Variants in ZSWIM2 observed in about 807,000 individuals in gnomAD.
ZSWIM2 encodes zinc finger SWIM-type containing 2, also known as E3 ubiquitin-protein ligase ZSWIM2.
In ZSWIM2, 38 loss-of-function variants were observed where a neutral mutation model predicts 48.4. The ratio of observed to expected loss-of-function variants is 0.79; its 90% CI spans 0.61 to 1.03. The LOEUF is 1.03. ZSWIM2 is among the 50% of genes least tolerant of loss of function. ZSWIM2 has a pLI of 0.00. For missense variants in ZSWIM2, 776 were observed against 730.2 expected (o/e 1.06, Z -0.72); for synonymous variants, 240 against 251.3 (o/e 0.96, Z 0.42).
chr2:186,848,068 G>T (rs1408953795), intron 1 of ZSWIM2, among the ~76,000 whole-genome samples: 1 of 151,778 alleles, frequency 6.6e-6, no homozygotes, highest in Non-Finnish European at 1.5e-5. Flanking sequence ...AAGAAAAAAA[G>T]CAAATATCAA....
At chr2:186,838,608 G>T (rs1257713694) in intron 4 of ZSWIM2, among the ~76,000 whole-genome samples, 1 of 148,524 alleles carries the variant, frequency 6.7e-6, no homozygotes, top group Admixed American at 6.8e-5. Flanking sequence ...TTGTAGTGTA[G>T]CTCAGAAAGA....
In ZSWIM2 at chr2:186,839,097, G is replaced by C; in HGVS notation, c.356C>G (p.Pro119Arg). ...LLRGIHRVQT[P>R]QPGTNDENEH... is the part of the protein sequence containing the mutation. Reference sequence around the variant, plus strand: ...ATTTTCGTCATTTGTTCCTGGTTGGGGAGTTTGAACTCGATGTATCCCCCG... The same window carrying C: ...ATTTTCGTCATTTGTTCCTGGTTGGCGAGTTTGAACTCGATGTATCCCCCG... The change falls in exon 4 of 9, where the codon CCC becomes CGC. Residue 119 changes from proline (P) to arginine (R), a missense_variant. Transcript: ENST00000295131. The C allele has an allele frequency of 6.2e-7, 1 of 1,611,684 alleles. No individual in the cohort carries two copies. Among genetic ancestry groups the C allele is most frequent in the Middle Eastern group, 1.7e-4 (1 of 6,058 alleles).
intron 3 of ZSWIM2, among the ~76,000 whole-genome samples, chr2:186,839,438 A>C (rs895629169): frequency 6.6e-6 from 1 of 151,778 alleles, no homozygotes; most frequent in Non-Finnish European, 1.5e-5. Flanking sequence ...GATAGTGTTC[A>C]TCCTTGGATT....
Position 186,827,946 on chromosome 2 carries a change from AT to A in ZSWIM2, c.*37del. ...TATGTTCTATATAAAACATTTTTTT[AT>A]ATTCAACATTCAAATATTTTCAGAT... On this transcript the variant is annotated 3_prime_UTR_variant, in exon 9 of 9. Transcript: ENST00000295131. 1 of 1,443,252 alleles carries A rather than the reference AT, an allele frequency of 6.9e-7. No homozygotes were observed. The highest frequency in any genetic ancestry group is 1.4e-5 in the African/African-American group (1 of 69,592). 89.4% of individuals were successfully genotyped at this position (1,443,252 alleles called of 1,614,324 possible).
intron 5 of ZSWIM2, 68 bp downstream of exon 5, chr2:186,837,238 T>C (rs1691809037): frequency 6.4e-7 from 1 of 1,556,500 alleles, no homozygotes; most frequent in African/African-American, 1.4e-5. Context: ...GGTACTCTAA[T>C]GCTCAAAGTT....
chr2:186,847,172 T>G (rs79407439), intron 2 of ZSWIM2, among the ~76,000 whole-genome samples: 1 of 151,966 alleles, frequency 6.6e-6, no homozygotes, highest in African/African-American at 2.4e-5. Flanking sequence ...AAAAAATAAA[T>G]AACCTGAACT....
intron 3 of ZSWIM2, 72 bp from the exon 4 acceptor site, chr2:186,839,241 G>A: frequency 2.2e-6 from 3 of 1,351,490 alleles, no homozygotes; most frequent in Non-Finnish European, 3.1e-6. Context: ...AACTTATGCT[G>A]AAAGTTAGAA....
intron 1 of ZSWIM2, chr2:186,848,549 G>A (rs958648494): frequency 6.3e-6 from 1 of 159,440 alleles, no homozygotes; most frequent in Non-Finnish European, 1.4e-5. Flanking sequence ...AGAGTAAAGG[G>A]AAACCTATTT....
chr2:186,847,242 A>G (rs1692021040), intron 2 of ZSWIM2, among the ~76,000 whole-genome samples: 1 of 152,110 alleles, frequency 6.6e-6, no homozygotes, highest in African/African-American at 2.4e-5. Context: ...CTGAAAAGGA[A>G]AATATTTTGA....
At position 186,837,364 on chromosome 2, in the gene ZSWIM2, G is replaced by A. The variant is rs781759636; in HGVS notation, c.685C>T (p.His229Tyr). ...CAGTTATTACAGGGAATCCCAAGGT[G>A]TTTGTCCAGTCTCTCTTTTTCTGCT... ...AAAEKERLDK[H>Y]LGIPCNNCKQ... Residue 229 changes from histidine to tyrosine, a missense_variant, in exon 5 of 9, where the codon CAC becomes TAC. Coordinates refer to ENST00000295131, the MANE Select transcript of ZSWIM2 (RefSeq NM_182521.3). 1 of 1,613,002 alleles carries A rather than the reference G, an allele frequency of 6.2e-7. No individual in the cohort carries two copies. Among genetic ancestry groups the A allele is most frequent in the South Asian group, 1.1e-5 (1 of 91,064 alleles).
chr2:186,841,814 T>C (rs1380902370), intron 3 of ZSWIM2, among the ~76,000 whole-genome samples: 1 of 151,182 alleles, frequency 6.6e-6, no homozygotes, highest in Non-Finnish European at 1.5e-5. Flanking sequence ...AAAGGGAAAA[T>C]AGAAAATAAA....
chr2:186,844,586 TGATA>T, intron 3 of ZSWIM2, 127 bp downstream of exon 3: 1 of 856,404 alleles, frequency 1.2e-6, no homozygotes, highest in Non-Finnish European at 1.7e-6. Context: ...GCTGAGCTAC[TGATA>T]GTTACGATTC....
intron 4 of ZSWIM2, among the ~76,000 whole-genome samples, chr2:186,838,116 G>T (rs1559114026): frequency 1.3e-5 from 2 of 151,208 alleles, no homozygotes; most frequent in African/African-American, 4.8e-5. Flanking sequence ...ATGATCAGGA[G>T]AAAAAAATTG....
rs747258309 is a variant in ZSWIM2 at position 186,829,768 on chromosome 2, G to T, written c.1054C>A (p.His352Asn). Residue 352 changes from histidine (H) to asparagine (N), a missense_variant, in exon 8 of 9, where the codon CAT (histidine) becomes AAT (asparagine). His to Asn is a moderately conservative substitution (Grantham distance 68). Coordinates refer to ENST00000295131, the MANE Select transcript of ZSWIM2 (RefSeq NM_182521.3). ...AGCAATCTTGTATGTTGACCAAGAT[G>T]AAATGCCTTCAAACAAAGTAGACAC... Reference protein sequence around the residue: ...YQCLLCLKAFHLGQHTRLLPC... With the variant: ...YQCLLCLKAFNLGQHTRLLPC... 1.2e-6 allele frequency: 2 copies of T among 1,613,586 alleles called. No homozygotes were observed. Among genetic ancestry groups the T allele is most frequent in the African/African-American group, 1.3e-5 (1 of 75,014 alleles).
chr2:186,849,136 G>C lies in ZSWIM2; in HGVS notation c.-6C>G. On this transcript the variant is annotated 5_prime_UTR_variant, in exon 1 of 9. Coordinates refer to ENST00000295131, the MANE Select transcript of ZSWIM2 (RefSeq NM_182521.3). Reference sequence around the variant, plus strand: ...TTATAGCCTCGGCGAAGCATGCTGGGTGCGGGCGGAGGCGGCCCCTCTGCT... The same window carrying C: ...TTATAGCCTCGGCGAAGCATGCTGGCTGCGGGCGGAGGCGGCCCCTCTGCT... 3 of 1,605,434 alleles carry C rather than the reference G, an allele frequency of 1.9e-6. No individual in the cohort carries two copies. The highest frequency in any genetic ancestry group is 1.7e-6 in the Non-Finnish European group (2 of 1,174,230).
chr2:186,827,905 G>GA lies in ZSWIM2; in HGVS notation c.*78dup. 1 of 1,208,198 alleles carries GA rather than the reference G, an allele frequency of 8.3e-7. No homozygotes were observed. The highest frequency in any genetic ancestry group is 1.1e-6 in the Non-Finnish European group (1 of 893,438). The allele number at this position is 1,208,198 out of a possible 1,614,324, so 74.8% of individuals were successfully genotyped here. A position where few individuals can be genotyped will look rare whatever the true frequency, so the allele number is the denominator to read the frequency against. ...AGAGAATTTTATATACATTTGTCAA[G>GA]ACTATGTGTGCTTTTTATGTTCTAT... On this transcript the variant is annotated 3_prime_UTR_variant, in exon 9 of 9. Transcript: ENST00000295131.
At chr2:186,844,790 A>G (rs1197539629) in intron 2 of ZSWIM2, 33 bp from the exon 3 acceptor site, 34 of 1,525,608 alleles carry the variant, frequency 2.2e-5, no homozygotes, top group Non-Finnish European at 3.0e-5. Flanking sequence ...AAATCAAGAC[A>G]TTTATTTTTG....
Position 186,838,975 on chromosome 2 carries a change from G to T in ZSWIM2, c.478C>A (p.Pro160Thr). 1.2e-6 allele frequency: 2 copies of T among 1,607,668 alleles called. No homozygotes were observed. The highest frequency in any genetic ancestry group is 1.7e-6 in the Non-Finnish European group (2 of 1,176,296). ...GTACATCACCTGCAAAAGGTGACAG[G>T]AAGCTTTTTCTCTAAAAGTAGCTCT... ...CQELLLEKKL[P>T]VTFCRFGCGN... is the part of the protein sequence containing the mutation. The change falls in exon 4 of 9, where the codon CCT becomes ACT. Residue 160 changes from proline to threonine, a missense_variant. Coordinates refer to ENST00000295131, the MANE Select transcript of ZSWIM2 (RefSeq NM_182521.3).
Position 186,833,077 on chromosome 2 carries a change from G to C in ZSWIM2, c.941+43C>G, listed in dbSNP as rs190327335. 7,162 of 856,998 alleles carry C rather than the reference G, an allele frequency of 8.4e-3. 47 individuals carry two copies. The highest frequency in any genetic ancestry group is 9.9e-3 in the Non-Finnish European group (5,634 of 570,474). The allele number at this position is 856,998 out of a possible 1,614,324, so 53.1% of individuals were successfully genotyped here. A position where few individuals can be genotyped will look rare whatever the true frequency, so the allele number is the denominator to read the frequency against. ...TATTCAAATTGAGAAGTTATTCAAAGATTCTGTCATACAACAAATATAAAA... is the reference window on the plus strand; with the variant it reads ...TATTCAAATTGAGAAGTTATTCAAACATTCTGTCATACAACAAATATAAAA... On this transcript the variant is annotated intron_variant, in intron 7 of 8. Transcript: ENST00000295131.
Sources: gnomAD v4.1 joint callset for allele counts (sites outside exome capture counted in the v4.1 genomes callset) on GRCh38, gnomAD v4.1.1 for gene constraint, MANE v1.5 for transcripts, NCBI Gene and HGNC (gene_info 2026-07-23, HGNC 2026-07-21) for gene names.